Variants in TTC14 observed in about 807,000 individuals in gnomAD.
TTC14 encodes the protein tetratricopeptide repeat domain 14.
TTC14 carries 63 observed loss-of-function variants against 79.9 expected under a neutral mutation model. The observed-to-expected ratio is 0.79, with a 90% CI of 0.64 to 0.97. TTC14 has a LOEUF of 0.97. Among genes scored for constraint, TTC14 ranks in the 50% least tolerant of loss-of-function variants. TTC14 has a pLI of 0.00. For synonymous variants in TTC14, 335 were observed against 309.6 expected (o/e 1.08, Z -0.86); for missense variants, 895 against 894.0 (o/e 1.00, Z -0.01).
At chr3:180,608,567 GTTTAA>G in intron 10 of TTC14, 129 bp from the exon 11 acceptor site, 1 of 1,297,634 alleles carries the variant, frequency 7.7e-7, no homozygotes, top group African/African-American at 1.5e-5. Flanking sequence ...AAAAAATACT[GTTTAA>G]TGCTGGCTCT....
chr3:180,616,382 G>C (rs776216749), intron 12 of TTC14: 13 of 1,596,586 alleles, frequency 8.1e-6, no homozygotes, highest in Admixed American at 5.1e-5. Flanking sequence ...ATATTCAATA[G>C]CAATCATTAG....
chr3:180,615,116 T>G, downstream of TTC14: 1 of 1,470,682 alleles, frequency 6.8e-7, no homozygotes, highest in Non-Finnish European at 9.1e-7. Context: ...AATGCAAAGT[T>G]TATATTTTAG....
chr3:180,606,647 C>T, intron 9 of TTC14, 44 bp downstream of exon 9: 1 of 1,555,716 alleles, frequency 6.4e-7, no homozygotes. Context: ...TAATGTTCAA[C>T]CAACCACTAA....
Position 180,606,522 on chromosome 3 carries a change from T to C in TTC14, c.1091T>C (p.Phe364Ser). The C allele has an allele frequency of 3.1e-6, 5 of 1,614,010 alleles. No individual in the cohort carries two copies. The highest frequency in any genetic ancestry group is 4.2e-6 in the Non-Finnish European group (5 of 1,179,914). The change falls in exon 9 of 12, where the codon TTT (phenylalanine) becomes TCT (serine). Residue 364 changes from phenylalanine (F) to serine (S), a missense_variant. Coordinates refer to ENST00000296015, the MANE Select transcript of TTC14 (RefSeq NM_133462.4). ...AGTTTGAACAAAGCAATAGAAGATT[T>C]TGAGCTTGCATTAGAAAACTGTCCA... Reference protein sequence around the residue: ...KGSLNKAIEDFELALENCPTH... With the variant: ...KGSLNKAIEDSELALENCPTH...
chr3:180,612,337 G>A (rs1717024125), downstream of TTC14, among the ~76,000 whole-genome samples: 1 of 152,072 alleles, frequency 6.6e-6, no homozygotes, highest in Admixed American at 6.6e-5. Context: ...ATCGTGTAGT[G>A]GTGAAGTCTG....
Position 180,610,413 on chromosome 3 carries a change from A to G in TTC14, c.2184A>G (p.Glu728=), listed in dbSNP as rs756588594. The G allele has an allele frequency of 3.1e-6, 5 of 1,613,902 alleles. No individual in the cohort carries two copies. The highest frequency in any genetic ancestry group is 2.2e-5 in the East Asian group (1 of 44,866). The part of the protein sequence containing the change: ...YGEDIKTEVP[E]EDALSSKEHS... ...AGGATATCAAAACAGAGGTTCCAGAAGAAGATGCACTAAGTAGCAAAGAAC... is the reference window on the plus strand; with the variant it reads ...AGGATATCAAAACAGAGGTTCCAGAGGAAGATGCACTAAGTAGCAAAGAAC... The change falls in exon 12 of 12, where the codon GAA becomes GAG. Residue 728 remains glutamate, a synonymous_variant. Coordinates refer to ENST00000296015, the MANE Select transcript of TTC14 (RefSeq NM_133462.4).
intron 9 of TTC14, among the ~76,000 whole-genome samples, chr3:180,607,044 G>C (rs1187815436): frequency 6.6e-6 from 1 of 152,118 alleles, no homozygotes; most frequent in African/African-American, 2.4e-5. Flanking sequence ...GTTCATCTTT[G>C]ACTTGTCCTT....
Position 180,603,257 on chromosome 3 carries a change from T to C in TTC14, c.420T>C (p.Gly140=). The change falls in exon 3 of 12, where the codon GGT becomes GGC. Residue 140 remains glycine (G), a synonymous_variant. Transcript: ENST00000296015. ...IGRISSIREF[G]FFMVLICLGS... ...GAATTAGTTCTATTCGGGAATTCGG[T>C]TTTTTCATGGTGTTGATCTGTTTAG... 1.2e-6 allele frequency: 2 copies of C among 1,614,074 alleles called. No individual in the cohort carries two copies. Among genetic ancestry groups the C allele is most frequent in the Non-Finnish European group, 1.7e-6 (2 of 1,179,998 alleles).
At position 180,605,821 on chromosome 3, in the gene TTC14, T is replaced by C. The variant is rs750544716; in HGVS notation, c.913T>C (p.Ser305Pro). The C allele has an allele frequency of 7.0e-6, 11 of 1,575,016 alleles. No individual in the cohort carries two copies. The Admixed American group carries it at 1.1e-4, about 15-fold the overall frequency. Residue 305 changes from serine (S) to proline (P), a missense_variant, in exon 7 of 12, where the codon TCT becomes CCT. Coordinates refer to ENST00000296015, the MANE Select transcript of TTC14 (RefSeq NM_133462.4). ...TGCATTGAGAAAAAAACAATCCGCA[T>C]CTTGGGCTTTAAAATGGTATGAAGA... ...ASALRKKQSA[S>P]WALKCVKIGV...
At chr3:180,604,753 A>G in intron 5 of TTC14, 99 bp from the exon 6 acceptor site, 3 of 1,430,210 alleles carry the variant, frequency 2.1e-6, no homozygotes, top group Non-Finnish European at 2.8e-6. Flanking sequence ...TATGCAAAAA[A>G]TGGAATTAGT....
Position 180,616,308 on chromosome 3 carries a change from G to A in TTC14, c.1775-1072G>A, listed in dbSNP as rs1015604911. 60 of 1,613,248 alleles carry A rather than the reference G, an allele frequency of 3.7e-5. No homozygotes were observed. Among genetic ancestry groups the A allele is most frequent in the Non-Finnish European group, 5.0e-5 (59 of 1,179,508 alleles). Reference sequence around the variant, plus strand: ...TGCTGATAGTGAAGTATGTGAAGGAGATCTAGAGCTCTGACGACTGCCTTT... The same window carrying A: ...TGCTGATAGTGAAGTATGTGAAGGAAATCTAGAGCTCTGACGACTGCCTTT... On this transcript the variant is annotated intron_variant, in intron 12 of 12. Coordinates refer to the TTC14 transcript ENST00000382584.
In TTC14 at chr3:180,609,985, A is replaced by G. The variant is rs1716903973; in HGVS notation, c.1756A>G (p.Ile586Val). 1 of 1,614,080 alleles carries G rather than the reference A, an allele frequency of 6.2e-7. No individual in the cohort carries two copies. Among genetic ancestry groups the G allele is most frequent in the African/African-American group, 1.3e-5 (1 of 75,048 alleles). The change falls in exon 12 of 12, where the codon ATA becomes GTA. Residue 586 changes from isoleucine (I) to valine (V), a missense_variant. Physicochemically the swap from Ile to Val is conservative, Grantham distance 29. Coordinates refer to ENST00000296015, the MANE Select transcript of TTC14 (RefSeq NM_133462.4). ...RCPLSSSSLE[I>V]PDDFGGRSED... ...CCCTCTCTCTTCATCTTCACTTGAA[A>G]TACCGGATGATTTTGGAGGTAGGTC...
downstream of TTC14, among the ~76,000 whole-genome samples, chr3:180,615,901 A>G (rs1321182672): frequency 6.6e-6 from 1 of 152,214 alleles, no homozygotes; most frequent in East Asian, 1.9e-4. Context: ...CAAAAATCAT[A>G]TTCTATATGT....
downstream of TTC14, among the ~76,000 whole-genome samples, chr3:180,613,588 A>G (rs900923802): frequency 4.6e-5 from 7 of 152,186 alleles, no homozygotes; most frequent in Admixed American, 3.9e-4. Flanking sequence ...CTATAGTACA[A>G]ATGAGGAAAA....
intron 6 of TTC14, chr3:180,605,317 C>T (rs1184555999): frequency 4.9e-6 from 1 of 204,186 alleles, no homozygotes; most frequent in Non-Finnish European, 9.8e-6. Context: ...CACTGTGTCA[C>T]CCAGGCTGGA....
In TTC14 at chr3:180,604,938, T is replaced by A; in HGVS notation, c.788T>A (p.Val263Asp). The A allele has an allele frequency of 6.2e-7, 1 of 1,614,090 alleles. No individual in the cohort carries two copies. The highest frequency in any genetic ancestry group is 8.5e-7 in the Non-Finnish European group (1 of 1,179,982). The change falls in exon 6 of 12, where the codon GTT (valine) becomes GAT (aspartate). Residue 263 changes from valine to aspartate, a missense_variant. Val to Asp is a radical substitution (Grantham distance 152, BLOSUM62 -3). Coordinates refer to ENST00000296015, the MANE Select transcript of TTC14 (RefSeq NM_133462.4). The stretch of plus-strand genomic sequence containing the variant: ...TTGGGATTTGTTAATCCAGGAGTAG[T>A]TGAATTCCTTCTAGAAAAACTAGGA... Reference protein sequence around the residue: ...SSLGFVNPGVVEFLLEKLGID... With the variant: ...SSLGFVNPGVDEFLLEKLGID...
At chr3:180,613,493 T>C (rs1359452269), downstream of TTC14, among the ~76,000 whole-genome samples, 1 of 152,190 alleles carries the variant, frequency 6.6e-6, no homozygotes, top group African/African-American at 2.4e-5. Context: ...AAGTAGAAGT[T>C]ATATAGTGCA....
At chr3:180,615,934 C>G (rs76953596), downstream of TTC14, among the ~76,000 whole-genome samples, 2 of 152,266 alleles carry the variant, frequency 1.3e-5, no homozygotes, top group East Asian at 3.9e-4. Flanking sequence ...GCTGCCCTTA[C>G]ATGTTTTTAA....
At chr3:180,607,912 G>A in intron 10 of TTC14, 147 bp downstream of exon 10, 1 of 1,427,040 alleles carries the variant, frequency 7.0e-7, no homozygotes, top group Non-Finnish European at 9.1e-7. Flanking sequence ...AATTGGGTTT[G>A]ACATTGCTTC....
Sources: gnomAD v4.1 joint callset for allele counts (sites outside exome capture counted in the v4.1 genomes callset) on GRCh38, gnomAD v4.1.1 for gene constraint, MANE v1.5 for transcripts, NCBI Gene and HGNC (gene_info 2026-07-23, HGNC 2026-07-21) for gene names.